The following SRGAP1 variants were observed in gnomAD, a reference collection of about 807,000 sequenced individuals.
SRGAP1 encodes the protein SLIT-ROBO Rho GTPase activating protein 1.
Under a neutral mutation model 121.9 loss-of-function variants are expected in SRGAP1, and 43 were observed. The ratio of observed to expected loss-of-function variants is 0.35; its 90% confidence interval spans 0.28 to 0.46. The LOEUF is 0.46. Among genes scored for constraint, SRGAP1 ranks in the 20% least tolerant of loss-of-function variants. SRGAP1 has a pLI of 1.00. For synonymous variants in SRGAP1, 447 were observed against 485.4 expected, an observed-to-expected ratio of 0.92 and a Z score of 1.04; for missense variants, 1,102 against 1,350.9, an observed-to-expected ratio of 0.82 and a Z score of 2.89.
chr12:63,852,885 C>T (rs574809048), intron 1 of SRGAP1, among the ~76,000 whole-genome samples: 42 of 152,034 alleles, frequency 2.8e-4, no homozygotes, highest in Middle Eastern at 3.4e-3. Context: ...ATCTCCCACA[C>T]GCTTTAGTAC....
intron 1 of SRGAP1, among the ~76,000 whole-genome samples, chr12:63,930,931 G>C (rs1282911438): frequency 1.3e-5 from 2 of 151,976 alleles, no homozygotes; most frequent in Non-Finnish European, 2.9e-5. Context: ...GTTTATCCTT[G>C]CATGCCTCTT....
Position 64,147,598 on chromosome 12 carries a change from G to T in SRGAP1, c.*4926G>T. The T allele has an allele frequency of 2.5e-6, 1 of 398,652 alleles. No homozygotes were observed. The highest frequency in any genetic ancestry group is 4.4e-6 in the Non-Finnish European group (1 of 226,138). 24.7% of individuals were successfully genotyped at this position (398,652 alleles called of 1,614,324 possible). ...CCGCTCATGTGCTGCTGACAGCATC[G>T]CATTCGCCCGTGCTCTGTACTGCCT... On this transcript the variant is annotated 3_prime_UTR_variant, in exon 22 of 22. Transcript: ENST00000355086.
intron 1 of SRGAP1, among the ~76,000 whole-genome samples, chr12:63,935,203 G>A (rs1195415406): frequency 6.6e-6 from 1 of 152,170 alleles, no homozygotes; most frequent in Admixed American, 6.5e-5. Context: ...AGCCCATGAA[G>A]TCATATGGAG....
intron 7 of SRGAP1, among the ~76,000 whole-genome samples, chr12:64,064,594 C>T (rs1170235729): frequency 6.6e-6 from 1 of 151,706 alleles, no homozygotes; most frequent in African/African-American, 2.4e-5. Flanking sequence ...CCACAGCAGC[C>T]CTGTGATATA....
At chr12:63,882,015 A>T (rs1900211165) in intron 1 of SRGAP1, among the ~76,000 whole-genome samples, 1 of 152,204 alleles carries the variant, frequency 6.6e-6, no homozygotes, top group South Asian at 2.1e-4. Context: ...ATAAATGAAA[A>T]ATTAGAATAT....
chr12:63,864,245 T>C (rs960885223), intron 1 of SRGAP1, among the ~76,000 whole-genome samples: 6 of 152,210 alleles, frequency 3.9e-5, no homozygotes, highest in Non-Finnish European at 8.8e-5. Flanking sequence ...TGGAATTACG[T>C]TGTGAAATAA....
chr12:64,058,323 A>G (rs926526794), intron 6 of SRGAP1, among the ~76,000 whole-genome samples: 1 of 152,148 alleles, frequency 6.6e-6, no homozygotes, highest in South Asian at 2.1e-4. Flanking sequence ...TTTTTAATTT[A>G]TAGTATTTTC....
chr12:63,983,811 TA>T (rs1565981603), intron 1 of SRGAP1, 135 bp from the exon 2 acceptor site: 452 of 17,412 alleles, frequency 0.026, 56 homozygotes, highest in African/African-American at 0.086. Flanking sequence ...TATATATATA[TA>T]TATATATATA....
chr12:63,848,881 T>C (rs899021037), intron 1 of SRGAP1, among the ~76,000 whole-genome samples: 3 of 152,206 alleles, frequency 2.0e-5, no homozygotes, highest in African/African-American at 4.8e-5. Context: ...AGTGTATAAA[T>C]TGAGTTTTTG....
chr12:64,043,687 T>G, intron 6 of SRGAP1, 112 bp downstream of exon 6: 1 of 770,004 alleles, frequency 1.3e-6, no homozygotes, highest in Non-Finnish European at 1.9e-6. Context: ...TACGTAATAC[T>G]CAAAAAGAAA....
At chr12:64,120,404 A>AG (rs2036587900) in intron 18 of SRGAP1, 1 of 152,166 alleles carries the variant, frequency 6.6e-6, no homozygotes, top group African/African-American at 2.4e-5. Context: ...CAAACCACCC[A>AG]GGTAGTGCAA....
chr12:63,960,870 A>C (rs1303523456), intron 1 of SRGAP1, among the ~76,000 whole-genome samples: 1 of 152,162 alleles, frequency 6.6e-6, no homozygotes. Context: ...GAGGCAAGGA[A>C]TGGATTCTCC....
intron 4 of SRGAP1, among the ~76,000 whole-genome samples, chr12:64,040,184 A>C (rs1371565856): frequency 6.6e-6 from 1 of 152,224 alleles, no homozygotes; most frequent in Non-Finnish European, 1.5e-5. Flanking sequence ...CCTTTTTAAT[A>C]ACCTACAGAA....
chr12:64,117,840 G>T (rs770885211), intron 18 of SRGAP1, among the ~76,000 whole-genome samples: 2 of 152,132 alleles, frequency 1.3e-5, no homozygotes, highest in Non-Finnish European at 2.9e-5. Flanking sequence ...TCATATAAGT[G>T]AACTTACATA....
Position 63,989,911 on chromosome 12 carries a change from A to G in SRGAP1, c.265A>G (p.Lys89Glu). Residue 89 changes from lysine to glutamate, a missense_variant and splice_region_variant, in exon 3 of 22, where the codon AAA (lysine) becomes GAA (glutamate). Around this residue, in one of 3 missense-constraint regions of SRGAP1, gnomAD observed 747 missense variants for 929.4 expected, o/e 0.80. Transcript: ENST00000355086. The part of the protein sequence containing the change: ...RSTKDHQQYK[K>E]DQNLLSPVNC... ...ATTCTGTGTTTCTTCACTTCTTAGG[A>G]AAGACCAGAACCTGTTGTCTCCAGT... 6.3e-7 allele frequency: 1 copy of G among 1,597,878 alleles called. No homozygotes were observed. Among genetic ancestry groups the G allele is most frequent in the Non-Finnish European group, 8.5e-7 (1 of 1,175,058 alleles).
chr12:64,010,485 A>G (rs2034220664), intron 3 of SRGAP1, among the ~76,000 whole-genome samples: 1 of 152,058 alleles, frequency 6.6e-6, no homozygotes, highest in Non-Finnish European at 1.5e-5. Flanking sequence ...CTCCATGTAG[A>G]AAGCTGTTTT....
intron 15 of SRGAP1, among the ~76,000 whole-genome samples, chr12:64,101,276 G>A (rs1048174284): frequency 5.4e-5 from 8 of 149,044 alleles, no homozygotes; most frequent in African/African-American, 1.5e-4. Context: ...ACTACTTTTC[G>A]CTTCCGTATT....
In SRGAP1 at chr12:64,078,704, T is replaced by C. The variant is rs578015392; in HGVS notation, c.1126-215T>C. On this transcript the variant is annotated intron_variant, in intron 8 of 21. Coordinates refer to ENST00000355086, the MANE Select transcript of SRGAP1 (RefSeq NM_020762.4). ...GATATGAGATTTATAAGGACTGAAA[T>C]ATAAAGTGATAACCTCCTTAGGATG... Among the ~76,000 whole-genome samples the C allele has an allele frequency of 9.2e-5, 14 of 152,298 alleles. No individual in the cohort carries two copies. The South Asian group carries it at 2.9e-3, about 32-fold the overall frequency.
intron 1 of SRGAP1, among the ~76,000 whole-genome samples, chr12:63,976,068 A>G (rs1047063514): frequency 2.6e-5 from 4 of 152,034 alleles, no homozygotes; most frequent in Non-Finnish European, 4.4e-5. Flanking sequence ...AAATTGTTCA[A>G]TTTTTGCCCA....
Sources: gnomAD v4.1 joint callset for allele counts (sites outside exome capture counted in the v4.1 genomes callset) on GRCh38, gnomAD v4.1.1 for gene constraint, gnomAD v4.1.1 regional missense constraint, MANE v1.5 for transcripts, NCBI Gene and HGNC (gene_info 2026-07-23, HGNC 2026-07-21) for gene names.